The following CCDC171 variants were observed in gnomAD, a reference collection of about 807,000 sequenced individuals.
The protein encoded by CCDC171 is coiled-coil domain-containing protein 171.
In CCDC171, 177 loss-of-function variants were observed where a neutral mutation model predicts 168.2. The ratio of observed to expected loss-of-function variants is 1.05; its 90% CI spans 0.93 to 1.19. The LOEUF (loss-of-function observed/expected upper bound fraction) is 1.19, where lower values mean the gene tolerates loss of function less well. Ranked by LOEUF, CCDC171 falls within the 50% of genes most tolerant of loss-of-function variation. The probability of loss-of-function intolerance (pLI) is 0.00; values close to 1 mark genes in which losing one functional copy is unlikely to be tolerated. For synonymous variants in CCDC171, 687 were observed against 540.8 expected (o/e 1.27, Z -3.75); for missense variants, 1,991 against 1,539.0 (o/e 1.29, Z -4.91).
chr9:15,854,732 A>G lies in CCDC171; in HGVS notation c.3468+5785A>G, dbSNP rs1057318321. 3.3e-5 allele frequency among the ~76,000 whole-genome samples: 5 copies of G among 151,646 alleles called. 1 individual carries two copies. The highest frequency in any genetic ancestry group is 1.2e-4 in the African/African-American group (5 of 41,362). ...TTTTTTAATGTAGACATTTACAGCTATAGATTTCTGTCTGATGCAGCTTAA... is the reference window on the plus strand; with the variant it reads ...TTTTTTAATGTAGACATTTACAGCTGTAGATTTCTGTCTGATGCAGCTTAA... On this transcript the variant is annotated intron_variant, in intron 23 of 25. Coordinates refer to ENST00000380701, the MANE Select transcript of CCDC171 (RefSeq NM_173550.4).
chr9:15,610,472 A>AC (rs2043590670), intron 6 of CCDC171, among the ~76,000 whole-genome samples: 1 of 141,706 alleles, frequency 7.1e-6, no homozygotes, highest in Non-Finnish European at 1.5e-5. Flanking sequence ...AAAAAAAAAA[A>AC]AAAAAAAAAC....
intron 6 of CCDC171, among the ~76,000 whole-genome samples, chr9:15,613,717 G>T (rs1023531794): frequency 1.3e-5 from 2 of 151,740 alleles, no homozygotes; most frequent in African/African-American, 4.8e-5. Flanking sequence ...TAGAGACAGG[G>T]TTTCACCATG....
chr9:15,990,171 C>A (rs1276225139), intron 3 of CCDC171, among the ~76,000 whole-genome samples: 1 of 152,050 alleles, frequency 6.6e-6, no homozygotes, highest in East Asian at 1.9e-4. Context: ...TTAAGGGCAG[C>A]CAGAGAGAAA....
At chr9:16,066,514 G>T (rs1374986221), downstream of CCDC171, among the ~76,000 whole-genome samples, 1 of 150,100 alleles carries the variant, frequency 6.7e-6, no homozygotes, top group African/African-American at 2.5e-5. Flanking sequence ...ACATTGTGCA[G>T]GTTAGTTATA....
At chr9:15,671,518 C>T (rs901066882) in intron 9 of CCDC171, among the ~76,000 whole-genome samples, 2 of 150,618 alleles carry the variant, frequency 1.3e-5, no homozygotes, top group African/African-American at 4.9e-5. Flanking sequence ...AGCCCCCCAC[C>T]CCCTGCCAGG....
intron 25 of CCDC171, among the ~76,000 whole-genome samples, chr9:15,961,907 G>A (rs187687673): frequency 6.0e-4 from 91 of 152,170 alleles, no homozygotes; most frequent in African/African-American, 2.0e-3. Flanking sequence ...TTTGTGTACC[G>A]TTTTTTCATG....
intron 21 of CCDC171, among the ~76,000 whole-genome samples, chr9:15,822,855 A>T (rs1003724691): frequency 2.6e-5 from 4 of 152,158 alleles, no homozygotes; most frequent in African/African-American, 9.7e-5. Context: ...AAAGGATTAT[A>T]AATCATGCTG....
chr9:15,990,470 C>T (rs1832151252), intron 3 of CCDC171, among the ~76,000 whole-genome samples: 1 of 152,182 alleles, frequency 6.6e-6, no homozygotes, highest in Admixed American at 6.5e-5. Flanking sequence ...ACTGCAAAAA[C>T]ATGCCAAATT....
chr9:15,920,010 C>T (rs1166323727), intron 24 of CCDC171, among the ~76,000 whole-genome samples: 1 of 151,570 alleles, frequency 6.6e-6, no homozygotes, highest in African/African-American at 2.4e-5. Context: ...AAACCGCATT[C>T]TAAATTTTAA....
chr9:15,703,231 G>C (rs1311430700), intron 11 of CCDC171, among the ~76,000 whole-genome samples: 2 of 152,142 alleles, frequency 1.3e-5, no homozygotes, highest in African/African-American at 2.4e-5. Context: ...TTAGGCTTTG[G>C]CTTAAGAGAA....
At chr9:15,710,548 G>A (rs111429154) in intron 11 of CCDC171, among the ~76,000 whole-genome samples, 13,716 of 151,886 alleles carry the variant, frequency 0.09, 692 homozygotes, top group South Asian at 0.17. Context: ...TGATCCGCCC[G>A]CCTCGACCTC....
intron 9 of CCDC171, among the ~76,000 whole-genome samples, chr9:15,674,825 A>T (rs1338180096): frequency 6.6e-6 from 1 of 152,178 alleles, no homozygotes; most frequent in Non-Finnish European, 1.5e-5. Context: ...GTTGAGAAGA[A>T]TGTATATTCT....
chr9:15,985,919 G>A (rs966461351), intron 3 of CCDC171, among the ~76,000 whole-genome samples: 1 of 152,156 alleles, frequency 6.6e-6, no homozygotes, highest in Admixed American at 6.5e-5. Context: ...CAGATAGACT[G>A]GTTAATCAAT....
chr9:15,952,070 A>G (rs1829252266), intron 25 of CCDC171, among the ~76,000 whole-genome samples: 1 of 152,034 alleles, frequency 6.6e-6, no homozygotes, highest in Non-Finnish European at 1.5e-5. Context: ...TCTTCAGTGA[A>G]CTTCTTCAAC....
upstream of CCDC171, among the ~76,000 whole-genome samples, chr9:16,039,979 C>A (rs1055485439): frequency 2.0e-5 from 3 of 152,170 alleles, no homozygotes; most frequent in African/African-American, 7.2e-5. Flanking sequence ...TATTTCTAAT[C>A]ATCGCCTACT....
At chr9:15,671,456 G>A (rs150761774) in intron 9 of CCDC171, among the ~76,000 whole-genome samples, 2 of 151,868 alleles carry the variant, frequency 1.3e-5, no homozygotes, top group African/African-American at 4.8e-5. Context: ...CCATCAACTC[G>A]CTTACATTAG....
intron 7 of CCDC171, among the ~76,000 whole-genome samples, chr9:15,635,510 C>G (rs1216442928): frequency 5.9e-5 from 9 of 152,176 alleles, no homozygotes; most frequent in East Asian, 5.8e-4. Context: ...TCTCCCCATT[C>G]CACTTTCTTC....
chr9:15,765,759 G>T (rs746277525), intron 18 of CCDC171, among the ~76,000 whole-genome samples: 1 of 152,068 alleles, frequency 6.6e-6, no homozygotes, highest in Non-Finnish European at 1.5e-5. Context: ...TAATCAGGGT[G>T]GGGGTTTGCC....
At chr9:15,790,588 C>CT (rs756405985) in intron 21 of CCDC171, among the ~76,000 whole-genome samples, 3 of 152,202 alleles carry the variant, frequency 2.0e-5, no homozygotes, top group Non-Finnish European at 4.4e-5. Flanking sequence ...TGTGCAGAAG[C>CT]TTTTTAGTTT....
Sources: allele counts gnomAD v4.1 joint callset (sites outside exome capture counted in the v4.1 genomes callset), GRCh38; gene constraint gnomAD v4.1.1; transcripts MANE v1.5; gene names NCBI Gene and HGNC (gene_info 2026-07-23, HGNC 2026-07-21).